Variants in RAI14 observed in about 807,000 individuals in gnomAD.
RAI14 encodes the protein retinoic acid induced 14, also known as ankycorbin.
RAI14 carries 45 observed loss-of-function variants against 115.4 expected under a neutral mutation model. The observed-to-expected ratio is 0.39, with a 90% CI of 0.31 to 0.50. The LOEUF is 0.50. RAI14 is among the 20% of genes least tolerant of loss of function. RAI14 has a pLI of 0.85. For missense variants in RAI14, 939 were observed against 1,131.2 expected, an observed-to-expected ratio of 0.83 and a Z score of 2.44; for synonymous variants, 371 against 415.4, an observed-to-expected ratio of 0.89 and a Z score of 1.30.
intron 11 of RAI14, 35 bp downstream of exon 11, chr5:34,813,695 C>T (rs1339885226): frequency 5.3e-6 from 8 of 1,512,302 alleles, no homozygotes; most frequent in African/African-American, 1.4e-5. Context: ...TCAATAAACG[C>T]ACCACAAGAA....
intron 12 of RAI14, 74 bp downstream of exon 12, chr5:34,814,743 A>G: frequency 8.9e-7 from 1 of 1,126,694 alleles, no homozygotes; most frequent in Non-Finnish European, 1.3e-6. Flanking sequence ...GTTATATAAC[A>G]CTGGGAAAAA....
At chr5:34,754,795 A>G (rs1466512465) in intron 2 of RAI14, among the ~76,000 whole-genome samples, 4 of 152,162 alleles carry the variant, frequency 2.6e-5, no homozygotes, top group Non-Finnish European at 5.9e-5. Context: ...CATGTCTTAT[A>G]GAAACTGAAC....
intron 3 of RAI14, among the ~76,000 whole-genome samples, chr5:34,781,810 C>T (rs1440690802): frequency 2.6e-5 from 4 of 152,172 alleles, no homozygotes; most frequent in Non-Finnish European, 4.4e-5. Context: ...GACCCTAACC[C>T]AGCAGCACTA....
chr5:34,753,734 T>G (rs1006715894), intron 2 of RAI14, among the ~76,000 whole-genome samples: 3 of 152,020 alleles, frequency 2.0e-5, no homozygotes, highest in Admixed American at 1.3e-4. Context: ...GCTAACATGG[T>G]GAAACCCCAC....
chr5:34,752,747 G>GTATATATATATA lies in RAI14; in HGVS notation c.37-4720_37-4719insATATATATATAT, dbSNP rs1401812633. ...TGTGTGTGTGTGTGTGTGTGTGTGT[G>GTATATATATATA]TGTATATATATATATATATGTATCT... On this transcript the variant is annotated intron_variant, in intron 2 of 17. Coordinates refer to ENST00000265109, the MANE Select transcript of RAI14 (RefSeq NM_015577.3). Among the ~76,000 whole-genome samples the GTATATATATATA allele has an allele frequency of 6.4e-5, 7 of 109,560 alleles. 1 individual carries two copies. Among genetic ancestry groups the GTATATATATATA allele is most frequent in the African/African-American group, 2.7e-4 (7 of 26,242 alleles). The allele number at this position is 109,560 out of a possible 152,430, so 71.9% of individuals were successfully genotyped here. A position where few individuals can be genotyped will look rare whatever the true frequency, so the allele number is the denominator to read the frequency against.
At chr5:34,725,802 C>G (rs994923920) in intron 2 of RAI14, among the ~76,000 whole-genome samples, 1 of 151,514 alleles carries the variant, frequency 6.6e-6, no homozygotes, top group African/African-American at 2.4e-5. Context: ...CCTGTTTCTA[C>G]TAAATACAAA....
Position 34,791,502 on chromosome 5 carries a change from TA to T in RAI14, c.168-4427del, listed in dbSNP as rs1023800501. Among the ~76,000 whole-genome samples the T allele has an allele frequency of 1.2e-4, 18 of 147,370 alleles. No homozygotes were observed. The highest frequency in any genetic ancestry group is 2.1e-4 in the South Asian group (1 of 4,662). ...CAAACTATATGTGGCAATTAAAACTTAAAAAAAAAAGCCTGAATTGGCTCTT... is the reference window on the plus strand; with the variant it reads ...CAAACTATATGTGGCAATTAAAACTTAAAAAAAAAGCCTGAATTGGCTCTT... On this transcript the variant is annotated intron_variant, in intron 3 of 17. Transcript: ENST00000265109. This position sits in a 1 kb window ranked among gnomAD's most constrained non-coding sequence, Gnocchi z 5.4.
chr5:34,825,230 A>G (rs1757317416), intron 15 of RAI14, among the ~76,000 whole-genome samples: 1 of 152,174 alleles, frequency 6.6e-6, no homozygotes, highest in Non-Finnish European at 1.5e-5. Context: ...AGCCATATCA[A>G]CACCACTGCA....
chr5:34,731,970 A>G (rs1744241850), intron 2 of RAI14, among the ~76,000 whole-genome samples: 1 of 151,980 alleles, frequency 6.6e-6, no homozygotes, highest in South Asian at 2.1e-4. Flanking sequence ...GTGGAGGGAG[A>G]GGTCAGGAAA....
intron 3 of RAI14, among the ~76,000 whole-genome samples, chr5:34,793,467 T>C (rs2388808): frequency 0.23 from 35,693 of 151,944 alleles, 5,300 homozygotes; most frequent in African/African-American, 0.42. Flanking sequence ...AAAAGGGGCA[T>C]ATGGAGAACT....
intron 2 of RAI14, among the ~76,000 whole-genome samples, chr5:34,722,738 TG>T (rs1263623216): frequency 6.6e-6 from 1 of 150,816 alleles, no homozygotes; most frequent in Non-Finnish European, 1.5e-5. Context: ...TCCAGCTACT[TG>T]GGGGGCTGAG....
chr5:34,686,234 T>C (rs1175174347), intron 1 of RAI14, among the ~76,000 whole-genome samples: 4 of 152,044 alleles, frequency 2.6e-5, no homozygotes, highest in Non-Finnish European at 5.9e-5. Context: ...AACTTAGACT[T>C]GCTCTACTTT....
At chr5:34,706,553 C>T (rs550592160) in intron 2 of RAI14, among the ~76,000 whole-genome samples, 7 of 152,242 alleles carry the variant, frequency 4.6e-5, no homozygotes, top group African/African-American at 7.2e-5. Flanking sequence ...TACTCGAACC[C>T]GGAGTTTGGG....
At chr5:34,671,163 G>T (rs539488385) in intron 1 of RAI14, among the ~76,000 whole-genome samples, 1 of 152,230 alleles carries the variant, frequency 6.6e-6, no homozygotes, top group African/African-American at 2.4e-5. Context: ...GGTGCACCTT[G>T]TCAGCCCTAA....
In RAI14 at chr5:34,771,895, CTGTTTTT is replaced by C. The variant is rs367615989; in HGVS notation, c.167+14313_167+14319del. The stretch of plus-strand genomic sequence containing the variant: ...GTAGGTTATATTACATAGGGTGTCA[CTGTTTTT>C]TGTTTTTTGTTTTTTTGGGACAGGG... On this transcript the variant is annotated intron_variant, in intron 3 of 17. Transcript: ENST00000265109. Among the ~76,000 whole-genome samples, 177 of 152,104 alleles carry C rather than the reference CTGTTTTT, an allele frequency of 1.2e-3. 2 individuals are homozygous for C. Among genetic ancestry groups the C allele is most frequent in the African/African-American group, 4.0e-3 (168 of 41,508 alleles).
chr5:34,777,766 G>A (rs1004454939), intron 3 of RAI14, among the ~76,000 whole-genome samples: 1 of 152,016 alleles, frequency 6.6e-6, no homozygotes, highest in African/African-American at 2.4e-5. Context: ...GCAACAGAGC[G>A]AGACTCCGTC....
intron 3 of RAI14, among the ~76,000 whole-genome samples, chr5:34,762,267 A>G (rs1377953774): frequency 6.6e-6 from 1 of 152,206 alleles, no homozygotes. Context: ...TTGGCCCCCA[A>G]GCTTCCACGG....
intron 1 of RAI14, among the ~76,000 whole-genome samples, chr5:34,669,316 C>G (rs1166350250): frequency 6.6e-6 from 1 of 152,210 alleles, no homozygotes; most frequent in Non-Finnish European, 1.5e-5. Flanking sequence ...AGCCTGTCTC[C>G]CGGCCAATCT....
At chr5:34,712,108 T>A (rs6861332) in intron 2 of RAI14, among the ~76,000 whole-genome samples, 46,236 of 152,012 alleles carry the variant, frequency 0.3, 8,600 homozygotes, top group African/African-American at 0.54. Flanking sequence ...CTCTCTTTAT[T>A]TGTGTAGACT....
Sources: allele counts gnomAD v4.1 joint callset (sites outside exome capture counted in the v4.1 genomes callset), GRCh38; gene constraint gnomAD v4.1.1; non-coding constraint Gnocchi (gnomAD v3.1); transcripts MANE v1.5; gene names NCBI Gene and HGNC (gene_info 2026-07-23, HGNC 2026-07-21).